Variants in WWP2 observed in about 807,000 individuals in gnomAD.
The protein encoded by WWP2 is WW domain containing E3 ubiquitin protein ligase 2.
A neutral mutation model predicts 121.0 loss-of-function variants in WWP2; 57 were observed. That is an observed-to-expected ratio of 0.47 (90% CI 0.38 to 0.59). The LOEUF is 0.59. Among genes scored for constraint, WWP2 ranks in the 20% least tolerant of loss-of-function variants. WWP2 has a pLI of 0.00. For missense variants in WWP2, 962 were observed against 1,158.9 expected (o/e 0.83, Z 2.47); for synonymous variants, 449 against 441.3 (o/e 1.02, Z -0.22).
At chr16:69,815,778 C>T (rs1262527871) in intron 4 of WWP2, among the ~76,000 whole-genome samples, 1 of 148,082 alleles carries the variant, frequency 6.8e-6, no homozygotes, top group African/African-American at 2.5e-5. Flanking sequence ...CAGAACAAGA[C>T]TCCGTCTCGA....
chr16:69,875,195 T>A (rs749887982), intron 7 of WWP2, among the ~76,000 whole-genome samples: 8 of 152,248 alleles, frequency 5.3e-5, no homozygotes, highest in Admixed American at 2.6e-4. Context: ...ATAAAAGTTA[T>A]GTTTACACTA....
chr16:69,891,490 T>C (rs561697828), intron 8 of WWP2, among the ~76,000 whole-genome samples: 1 of 152,342 alleles, frequency 6.6e-6, no homozygotes, highest in South Asian at 2.1e-4. Context: ...CCAAGTTCTA[T>C]ATTCGAGGTT....
intron 8 of WWP2, among the ~76,000 whole-genome samples, chr16:69,889,928 C>T (rs1479993905): frequency 6.6e-6 from 1 of 152,132 alleles, no homozygotes. Flanking sequence ...TATCCCATCT[C>T]TTTATTCTAT....
chr16:69,783,027 T>G (rs1597657707), intron 1 of WWP2: 1 of 150,080 alleles, frequency 6.7e-6, no homozygotes, highest in African/African-American at 2.4e-5. Flanking sequence ...TTTTTTTTTT[T>G]TGAGATGGAG....
At chr16:69,853,129 G>A (rs1017603501) in intron 6 of WWP2, among the ~76,000 whole-genome samples, 1 of 152,344 alleles carries the variant, frequency 6.6e-6, no homozygotes, top group Non-Finnish European at 1.5e-5. Context: ...CAGGAAAGTA[G>A]TCTAATGGAT....
At chr16:69,778,294 A>G (rs986984219) in intron 1 of WWP2, among the ~76,000 whole-genome samples, 3 of 150,998 alleles carry the variant, frequency 2.0e-5, no homozygotes, top group East Asian at 3.9e-4. Context: ...AGTTTCTTCA[A>G]TAATGAAATA....
intron 9 of WWP2, 129 bp downstream of exon 9, chr16:69,908,979 G>T (rs1262739538): frequency 6.7e-7 from 1 of 1,489,532 alleles, no homozygotes; most frequent in East Asian, 2.4e-5. Flanking sequence ...TCACTTGATT[G>T]CTTTTCCTAT....
intron 7 of WWP2, among the ~76,000 whole-genome samples, chr16:69,874,157 T>C (rs773080360): frequency 1.3e-5 from 2 of 152,192 alleles, no homozygotes; most frequent in African/African-American, 2.4e-5. Context: ...TTGATGTCCA[T>C]CTCTCCCCTT....
At chr16:69,806,637 G>A (rs1406483169) in intron 4 of WWP2, among the ~76,000 whole-genome samples, 1 of 151,404 alleles carries the variant, frequency 6.6e-6, no homozygotes, top group Non-Finnish European at 1.5e-5. Flanking sequence ...ACTCAATTTT[G>A]TTAACTCATT....
chr16:69,831,262 C>G (rs2056788575), intron 4 of WWP2, among the ~76,000 whole-genome samples: 1 of 152,096 alleles, frequency 6.6e-6, no homozygotes, highest in African/African-American at 2.4e-5. Flanking sequence ...CAAAAGAAAA[C>G]AGAACTATTT....
intron 4 of WWP2, among the ~76,000 whole-genome samples, chr16:69,825,334 G>T (rs546835557): frequency 6.6e-6 from 1 of 151,402 alleles, no homozygotes; most frequent in African/African-American, 2.4e-5. Flanking sequence ...TGAGGCAGGA[G>T]AATCCCTTGA....
intron 4 of WWP2, among the ~76,000 whole-genome samples, chr16:69,817,537 A>G (rs898049861): frequency 6.6e-6 from 1 of 152,032 alleles, no homozygotes; most frequent in African/African-American, 2.4e-5. Flanking sequence ...GGTGTGAGCT[A>G]CTGTGCCCAG....
At chr16:69,902,803 C>A (rs1367226037) in intron 8 of WWP2, among the ~76,000 whole-genome samples, 1 of 151,992 alleles carries the variant, frequency 6.6e-6, no homozygotes, top group Non-Finnish European at 1.5e-5. Flanking sequence ...GAGTCAGCGG[C>A]CACTGAGGAG....
chr16:69,842,168 C>A, intron 6 of WWP2, 48 bp downstream of exon 6: 1 of 1,555,970 alleles, frequency 6.4e-7, no homozygotes, highest in Non-Finnish European at 8.8e-7. Flanking sequence ...TTGCTTAGAG[C>A]TATTGAAAAC....
chr16:69,870,846 G>A (rs1221980481), intron 6 of WWP2, among the ~76,000 whole-genome samples: 2 of 152,182 alleles, frequency 1.3e-5, no homozygotes, highest in Admixed American at 6.5e-5. Flanking sequence ...GCTGCAAAAA[G>A]AACTTGAGAG....
intron 21 of WWP2, among the ~76,000 whole-genome samples, chr16:69,938,494 C>T (rs1245081708): frequency 6.6e-6 from 1 of 152,126 alleles, no homozygotes. Flanking sequence ...TGGTGGACAC[C>T]TGTAATCCCA....
chr16:69,813,620 A>C (rs1376650801), intron 4 of WWP2, among the ~76,000 whole-genome samples: 1 of 152,022 alleles, frequency 6.6e-6, no homozygotes, highest in Non-Finnish European at 1.5e-5. Flanking sequence ...GTGCTGGCTA[A>C]ATTTTTTATT....
intron 1 of WWP2, among the ~76,000 whole-genome samples, chr16:69,778,725 T>A (rs1359469371): frequency 6.6e-6 from 1 of 151,722 alleles, no homozygotes; most frequent in African/African-American, 2.4e-5. Flanking sequence ...CACTGCAACG[T>A]CCACCTCCCG....
intron 6 of WWP2, among the ~76,000 whole-genome samples, chr16:69,869,820 C>T (rs1318586186): frequency 2.6e-5 from 4 of 152,182 alleles, no homozygotes; most frequent in Non-Finnish European, 5.9e-5. Flanking sequence ...GAGAAGGTAG[C>T]TGGTCTGGGT....
Sources: allele counts gnomAD v4.1 joint callset (sites outside exome capture counted in the v4.1 genomes callset), GRCh38; gene constraint gnomAD v4.1.1; transcripts MANE v1.5; gene names NCBI Gene and HGNC (gene_info 2026-07-23, HGNC 2026-07-21).